Variants in GNA14 observed in about 807,000 individuals in gnomAD.
GNA14 encodes guanine nucleotide-binding protein subunit alpha-14.
In GNA14, 50 loss-of-function variants were observed where a neutral mutation model predicts 42.0. That is an observed-to-expected ratio of 1.19 (90% CI 0.95 to 1.51). The LOEUF is 1.51. Ranked by LOEUF, GNA14 falls within the 40% of genes most tolerant of loss-of-function variation. The probability of loss-of-function intolerance (pLI) is 0.00; values close to 1 mark genes in which losing one functional copy is unlikely to be tolerated. For synonymous variants in GNA14, 173 were observed against 163.1 expected (o/e 1.06, Z -0.46); for missense variants, 473 against 446.2 (o/e 1.06, Z -0.54).
intron 1 of GNA14, among the ~76,000 whole-genome samples, chr9:77,539,457 C>A (rs1837633784): frequency 6.6e-6 from 1 of 152,052 alleles, no homozygotes; most frequent in Non-Finnish European, 1.5e-5. Flanking sequence ...GGGATATTCG[C>A]CTGTTGTTTT....
chr9:77,438,775 G>C (rs146910151), intron 2 of GNA14, among the ~76,000 whole-genome samples: 2 of 152,220 alleles, frequency 1.3e-5, no homozygotes, highest in Non-Finnish European at 2.9e-5. Context: ...AACACACACA[G>C]TTACATTTTT....
chr9:77,490,369 C>T (rs1321166043), intron 2 of GNA14, among the ~76,000 whole-genome samples: 4 of 152,242 alleles, frequency 2.6e-5, no homozygotes, highest in Non-Finnish European at 5.9e-5. Flanking sequence ...CTGCCTGTCC[C>T]GTGCCATGCG....
chr9:77,607,372 G>C (rs966093167), intron 1 of GNA14, among the ~76,000 whole-genome samples: 11 of 152,166 alleles, frequency 7.2e-5, no homozygotes. Context: ...TCAGTACACA[G>C]GAAGAGAGGC....
At chr9:77,524,230 T>A (rs1837401218) in intron 2 of GNA14, among the ~76,000 whole-genome samples, 2 of 152,170 alleles carry the variant, frequency 1.3e-5, no homozygotes, top group South Asian at 4.1e-4. Flanking sequence ...CAAGGCTGTA[T>A]CTTAATTGAA....
chr9:77,493,024 A>ATATAT (rs1424877123), intron 2 of GNA14, among the ~76,000 whole-genome samples: 45 of 73,418 alleles, frequency 6.1e-4, no homozygotes, highest in South Asian at 1.3e-3. Flanking sequence ...AAAAAAAAAA[A>ATATAT]AAATATATAT....
At chr9:77,494,856 G>A (rs1415544737) in intron 2 of GNA14, among the ~76,000 whole-genome samples, 2 of 152,166 alleles carry the variant, frequency 1.3e-5, no homozygotes. Flanking sequence ...CTGGAGTGCA[G>A]TAGTGTGATC....
At chr9:77,588,435 T>C (rs1823339285) in intron 1 of GNA14, among the ~76,000 whole-genome samples, 1 of 152,188 alleles carries the variant, frequency 6.6e-6, no homozygotes. Context: ...TGATGGAGAA[T>C]GACTAAGGAA....
At chr9:77,456,767 AT>A in intron 2 of GNA14, among the ~76,000 whole-genome samples, 1 of 152,130 alleles carries the variant, frequency 6.6e-6, no homozygotes, top group Non-Finnish European at 1.5e-5. Context: ...GATATTATTT[AT>A]ACAATAAATA....
intron 2 of GNA14, among the ~76,000 whole-genome samples, chr9:77,455,058 A>G (rs1835976286): frequency 6.6e-6 from 1 of 152,194 alleles, no homozygotes; most frequent in African/African-American, 2.4e-5. Context: ...CAATGGTATA[A>G]CTGGGTTCTC....
intron 1 of GNA14, among the ~76,000 whole-genome samples, chr9:77,622,478 A>G (rs1206840719): frequency 6.6e-6 from 1 of 151,988 alleles, no homozygotes; most frequent in African/African-American, 2.4e-5. Flanking sequence ...GATTAAAGAA[A>G]TTTTTTTCGG....
intron 1 of GNA14, among the ~76,000 whole-genome samples, chr9:77,598,369 A>G (rs1006389514): frequency 2.6e-5 from 4 of 151,922 alleles, no homozygotes; most frequent in South Asian, 2.1e-4. Context: ...CTCCAAATCC[A>G]CTCCCATGAA....
intron 1 of GNA14, among the ~76,000 whole-genome samples, chr9:77,530,216 C>T (rs1256812936): frequency 6.6e-6 from 1 of 152,174 alleles, no homozygotes; most frequent in Non-Finnish European, 1.5e-5. Context: ...GGTGGTTTCT[C>T]ATGAATGGTT....
At chr9:77,603,956 C>A (rs28490392) in intron 1 of GNA14, among the ~76,000 whole-genome samples, 1,876 of 81,528 alleles carry the variant, frequency 0.023, 23 homozygotes, top group African/African-American at 0.042. Context: ...AAAAAAAAAA[C>A]AAAAAAAAAA....
At chr9:77,428,101 T>C (rs1436880820) in intron 5 of GNA14, among the ~76,000 whole-genome samples, 9 of 140,356 alleles carry the variant, frequency 6.4e-5, no homozygotes, top group South Asian at 4.6e-4. Flanking sequence ...TTTTTTGAGA[T>C]GGAGTCTCGC....
chr9:77,529,131 T>G lies in GNA14; in HGVS notation c.247A>C (p.Met83Leu), dbSNP rs150204261. Residue 83 changes from methionine (M) to leucine (L), a missense_variant, in exon 2 of 7, where the codon ATG (methionine) becomes CTG (leucine). Coordinates refer to ENST00000341700, the MANE Select transcript of GNA14 (RefSeq NM_004297.4). The stretch of plus-strand genomic sequence containing the variant: ...TCCATCGCTCTGATCATGGCTTGCA[T>G]GGCGGTGAATATGTTTTGGTAAACC... ...KLVYQNIFTA[M>L]QAMIRAMDTL... The G allele has an allele frequency of 6.2e-7, 1 of 1,614,192 alleles. No individual in the cohort carries two copies. The highest frequency in any genetic ancestry group is 8.5e-7 in the Non-Finnish European group (1 of 1,180,006).
At chr9:77,627,092 A>G (rs902208210) in intron 1 of GNA14, among the ~76,000 whole-genome samples, 1 of 152,202 alleles carries the variant, frequency 6.6e-6, no homozygotes, top group Admixed American at 6.5e-5. Flanking sequence ...CCATCAGAGA[A>G]TACTATAAAC....
chr9:77,481,924 T>A (rs1035240272), intron 2 of GNA14, among the ~76,000 whole-genome samples: 72 of 152,332 alleles, frequency 4.7e-4, no homozygotes, highest in Non-Finnish European at 6.9e-4. Context: ...CCATCCTTTT[T>A]TTTTGAGCCT....
At chr9:77,608,026 T>C (rs572662359) in intron 1 of GNA14, among the ~76,000 whole-genome samples, 18 of 152,140 alleles carry the variant, frequency 1.2e-4, no homozygotes, top group Non-Finnish European at 8.8e-5. Context: ...CCAAAATTCA[T>C]GTCCATCTTG....
At chr9:77,529,985 G>T (rs896815780) in intron 1 of GNA14, among the ~76,000 whole-genome samples, 2 of 152,184 alleles carry the variant, frequency 1.3e-5, no homozygotes, top group Non-Finnish European at 2.9e-5. Flanking sequence ...TAAAATATTT[G>T]CTAATATTTT....
Sources: allele counts gnomAD v4.1 joint callset (sites outside exome capture counted in the v4.1 genomes callset), GRCh38; gene constraint gnomAD v4.1.1; transcripts MANE v1.5; gene names NCBI Gene and HGNC (gene_info 2026-07-23, HGNC 2026-07-21).